Variants in DST observed in about 807,000 individuals in gnomAD.
DST encodes bullous pemphigoid antigen.
A neutral mutation model predicts 875.2 loss-of-function variants in DST; 253 were observed. The ratio of observed to expected loss-of-function variants is 0.29; its 90% confidence interval spans 0.26 to 0.32. The LOEUF is 0.32. DST is among the 10% of genes least tolerant of loss of function. The pLI, the probability that DST is intolerant of heterozygous loss-of-function variation, is 1.00. For synonymous variants in DST, 3,124 were observed against 3,197.1 expected, an observed-to-expected ratio of 0.98 and a Z score of 0.77; for missense variants, 8,287 against 9,111.6, an observed-to-expected ratio of 0.91 and a Z score of 3.68.
In DST at chr6:56,851,470, A is replaced by G. The variant is rs780283673; in HGVS notation, c.552T>C (p.His184=). Residue 184 remains histidine (H), a synonymous_variant, in exon 4 of 104, where the codon CAT becomes CAC. Transcript: ENST00000680361. ...GDTLPWNLPK[H]ERSKRKIQGG... ...CTTGAATCTTTCTTTTCGATCTCTC[A>G]TGTTTAGGCAAATTCCAGGGTAAGG... 1.9e-6 allele frequency: 3 copies of G among 1,613,866 alleles called. No homozygotes were observed. The African/African-American group carries it at 4.0e-5, about 22-fold the overall frequency.
intron 3 of DST, among the ~76,000 whole-genome samples, chr6:56,881,616 T>G (rs892260189): frequency 6.6e-6 from 1 of 152,216 alleles, no homozygotes; most frequent in African/African-American, 2.4e-5. Context: ...AAAAGTTTAT[T>G]TTTATGTTTT....
chr6:56,658,609 A>C (rs1298468572), intron 10 of DST, among the ~76,000 whole-genome samples: 1 of 152,250 alleles, frequency 6.6e-6, no homozygotes, highest in Non-Finnish European at 1.5e-5. Flanking sequence ...CATAAAAACA[A>C]CACCATAAAA....
intron 80 of DST, among the ~76,000 whole-genome samples, chr6:56,499,709 C>T (rs969986283): frequency 6.6e-6 from 1 of 152,052 alleles, no homozygotes; most frequent in Admixed American, 6.6e-5. Context: ...CTTTACCTAT[C>T]CCCCACCAAA....
intron 9 of DST, among the ~76,000 whole-genome samples, chr6:56,673,584 G>A (rs534857790): frequency 6.6e-6 from 1 of 152,318 alleles, no homozygotes; most frequent in African/African-American, 2.4e-5. Flanking sequence ...GAGTTTAGAG[G>A]TCTGAAAATA....
At chr6:56,953,053 C>T (rs1260458395) in intron 2 of DST, among the ~76,000 whole-genome samples, 2 of 152,176 alleles carry the variant, frequency 1.3e-5, no homozygotes, top group African/African-American at 4.8e-5. Flanking sequence ...CATGAGTAAA[C>T]TGCACCAAGC....
intron 3 of DST, among the ~76,000 whole-genome samples, chr6:56,893,170 C>G (rs1788442469): frequency 6.6e-6 from 1 of 152,168 alleles, no homozygotes; most frequent in Non-Finnish European, 1.5e-5. Flanking sequence ...CTCTTCCTCC[C>G]AAGTCCCCAC....
intron 17 of DST, among the ~76,000 whole-genome samples, chr6:56,641,502 C>T (rs1244106585): frequency 6.6e-6 from 1 of 152,010 alleles, no homozygotes; most frequent in African/African-American, 2.4e-5. Flanking sequence ...ACATGAGAAT[C>T]GCCTGAACCC....
intron 9 of DST, among the ~76,000 whole-genome samples, chr6:56,684,725 C>T (rs1443231563): frequency 6.6e-6 from 1 of 152,230 alleles, no homozygotes; most frequent in East Asian, 1.9e-4. Flanking sequence ...AATCCAGCTT[C>T]CTCTCAGTGC....
intron 9 of DST, among the ~76,000 whole-genome samples, chr6:56,676,876 G>A (rs2099133158): frequency 6.6e-6 from 1 of 152,264 alleles, no homozygotes; most frequent in Non-Finnish European, 1.5e-5. Context: ...ACCAGAGGCT[G>A]CGGGGTGGTT....
intron 4 of DST, among the ~76,000 whole-genome samples, chr6:56,832,143 A>G (rs1476169380): frequency 2.0e-5 from 3 of 152,212 alleles, no homozygotes; most frequent in Admixed American, 1.3e-4. Flanking sequence ...GTTCAAAGAA[A>G]AAGTATAAAG....
chr6:56,711,636 T>C (rs1355029366), intron 5 of DST, among the ~76,000 whole-genome samples: 1 of 152,204 alleles, frequency 6.6e-6, no homozygotes, highest in Non-Finnish European at 1.5e-5. Flanking sequence ...TTTTGGTATC[T>C]GTCCAGTTCC....
chr6:56,823,983 T>C (rs1192775864), intron 4 of DST, among the ~76,000 whole-genome samples: 1 of 150,402 alleles, frequency 6.6e-6, no homozygotes, highest in East Asian at 1.9e-4. Context: ...ACATAAAAAA[T>C]ATCCTCTGCC....
At chr6:56,847,075 G>C (rs2099807976) in intron 4 of DST, among the ~76,000 whole-genome samples, 1 of 150,278 alleles carries the variant, frequency 6.7e-6, no homozygotes, top group Non-Finnish European at 1.5e-5. Context: ...CCAACACTTT[G>C]GGAGGCCCAG....
intron 4 of DST, chr6:56,742,451 T>C: frequency 4.5e-6 from 4 of 893,378 alleles, no homozygotes; most frequent in Non-Finnish European, 6.3e-6. Flanking sequence ...TAGACACTCC[T>C]ACTTGCAAGC....
rs61457774 is a variant in DST at position 56,793,068 on chromosome 6, C to CAAA, written c.626-57782_626-57780dup. On this transcript the variant is annotated intron_variant, in intron 4 of 103. Coordinates refer to ENST00000680361, the MANE Select transcript of DST (RefSeq NM_001374736.1). The stretch of plus-strand genomic sequence containing the variant: ...TGGACAACAGAGTGAGACCCTGTCT[C>CAAA]AAAAAAAAAAAAAAAAAAAAAAAAA... Among the ~76,000 whole-genome samples, 316 of 42,332 alleles carry CAAA rather than the reference C, an allele frequency of 7.5e-3. 18 individuals carry two copies. The highest frequency in any genetic ancestry group is 0.015 in the South Asian group (7 of 452). The allele number at this position is 42,332 out of a possible 152,430, so 27.8% of individuals were successfully genotyped here. A position where few individuals can be genotyped will look rare whatever the true frequency, so the allele number is the denominator to read the frequency against.
intron 57 of DST, 86 bp from the exon 58 acceptor site, chr6:56,560,509 A>T (rs2097521856): frequency 7.2e-7 from 1 of 1,387,936 alleles, no homozygotes; most frequent in Non-Finnish European, 9.7e-7. Context: ...TCTCTAGAAT[A>T]ATGAAAAGAG....
At chr6:56,584,185 G>T (rs1376781868) in intron 49 of DST, among the ~76,000 whole-genome samples, 1 of 152,054 alleles carries the variant, frequency 6.6e-6, no homozygotes, top group Non-Finnish European at 1.5e-5. Context: ...ATCTTGGGCA[G>T]TATGGCCATT....
At chr6:56,812,336 G>C (rs2099761422) in intron 4 of DST, among the ~76,000 whole-genome samples, 1 of 151,974 alleles carries the variant, frequency 6.6e-6, no homozygotes, top group African/African-American at 2.4e-5. Flanking sequence ...GCTAAAAAAA[G>C]ACAGAAGTGA....
At chr6:56,947,088 C>T (rs1819914313) in intron 2 of DST, among the ~76,000 whole-genome samples, 1 of 152,062 alleles carries the variant, frequency 6.6e-6, no homozygotes, top group African/African-American at 2.4e-5. Flanking sequence ...ATCAAAAACT[C>T]AGCCTCGGGG....
Sources: allele counts gnomAD v4.1 joint callset (sites outside exome capture counted in the v4.1 genomes callset), GRCh38; gene constraint gnomAD v4.1.1; transcripts MANE v1.5; gene names NCBI Gene and HGNC (gene_info 2026-07-23, HGNC 2026-07-21).